The following PDE1C variants were observed in gnomAD, a reference collection of about 807,000 sequenced individuals.
PDE1C encodes phosphodiesterase 1C.
Under a neutral mutation model 93.1 loss-of-function variants are expected in PDE1C, and 62 were observed. The ratio of observed to expected loss-of-function variants is 0.67; its 90% confidence interval spans 0.54 to 0.82. The LOEUF is 0.82. Among genes scored for constraint, PDE1C ranks in the 40% least tolerant of loss-of-function variants. The probability of loss-of-function intolerance (pLI) is 0.00; values close to 1 mark genes in which losing one functional copy is unlikely to be tolerated. For synonymous variants in PDE1C, 325 were observed against 310.1 expected (o/e 1.05, Z -0.50); for missense variants, 742 against 884.6 (o/e 0.84, Z 2.04).
chr7:32,085,100 C>T (rs1003485517), intron 3 of PDE1C, among the ~76,000 whole-genome samples: 64 of 146,722 alleles, frequency 4.4e-4, no homozygotes, highest in African/African-American at 1.2e-3. Context: ...ATTGATAGAC[C>T]GCTAGCAAGA....
chr7:32,044,552 G>A (rs1193101496), intron 2 of PDE1C, among the ~76,000 whole-genome samples: 2 of 152,106 alleles, frequency 1.3e-5, no homozygotes, highest in Non-Finnish European at 2.9e-5. Context: ...ATGCAGCATG[G>A]AGAAGATGAA....
intron 2 of PDE1C, among the ~76,000 whole-genome samples, chr7:31,973,995 G>A (rs115225195): frequency 0.039 from 6,011 of 152,222 alleles, 128 homozygotes; most frequent in South Asian, 0.089. Context: ...ATTAGAGCTG[G>A]ACAGTATGGC....
the PDE1C span, among the ~76,000 whole-genome samples, chr7:31,708,934 G>A: frequency 3.8e-4 from 58 of 152,288 alleles, no homozygotes; most frequent in Admixed American, 1.6e-3. Context: ...TGGGTAGAGG[G>A]GAATAAAACT....
intron 2 of PDE1C, among the ~76,000 whole-genome samples, chr7:32,184,813 A>G (rs73304624): frequency 0.21 from 32,472 of 152,020 alleles, 3,948 homozygotes; most frequent in African/African-American, 0.33. Flanking sequence ...AAAATAAAAT[A>G]AAATAAACAA....
At chr7:31,920,647 T>C (rs746540433) in intron 2 of PDE1C, among the ~76,000 whole-genome samples, 79 of 152,320 alleles carry the variant, frequency 5.2e-4, no homozygotes, top group Non-Finnish European at 1.9e-4. Context: ...CACATGTTCC[T>C]ACAAGCCAGC....
intron 14 of PDE1C, among the ~76,000 whole-genome samples, chr7:31,819,820 CTACT>C (rs1297354250): frequency 1.3e-5 from 2 of 151,962 alleles, no homozygotes; most frequent in East Asian, 1.9e-4. Context: ...TCTGAAATGC[CTACT>C]TAAACTACCT....
Position 31,847,959 on chromosome 7 carries a change from C to T in PDE1C, c.980+9G>A. 1 of 1,612,192 alleles carries T rather than the reference C, an allele frequency of 6.2e-7. No homozygotes were observed. The highest frequency in any genetic ancestry group is 8.5e-7 in the Non-Finnish European group (1 of 1,179,236). On this transcript the variant is annotated intron_variant, in intron 9 of 17. Transcript: ENST00000396191. ...TGGCCTACAAATCTCTCTCTTTTCT[C>T]ATCCTTACCTCCAGTCATCCTTTGA...
chr7:32,424,321 G>A (rs979355), intron 1 of PDE1C, among the ~76,000 whole-genome samples: 27,410 of 152,116 alleles, frequency 0.18, 2,616 homozygotes, highest in East Asian at 0.3. Flanking sequence ...AATACCCTGA[G>A]CTGTACTTTC....
chr7:31,663,481 C>A, the PDE1C span, among the ~76,000 whole-genome samples: 1 of 152,178 alleles, frequency 6.6e-6, no homozygotes, highest in Non-Finnish European at 1.5e-5. Context: ...TGCACAGTTT[C>A]AAGATTCAGA....
rs1167635503 is a variant in PDE1C, at chr7:31,877,861, G to A, written c.492+109C>T. On this transcript the variant is annotated intron_variant, in intron 5 of 17. Transcript: ENST00000396191. The stretch of plus-strand genomic sequence containing the variant: ...AAAGATAATGAAAGAATAAAGTCAG[G>A]AATAACTGGAAAAGTAACTGTAAAT... 5 of 666,776 alleles carry A rather than the reference G, an allele frequency of 7.5e-6. No homozygotes were observed. The East Asian group carries it at 8.5e-5, about 11-fold the overall frequency. 41.3% of individuals were successfully genotyped at this position (666,776 alleles called of 1,614,324 possible).
intron 1 of PDE1C, among the ~76,000 whole-genome samples, chr7:32,415,958 G>C (rs1785267543): frequency 6.6e-6 from 1 of 152,232 alleles, no homozygotes; most frequent in Non-Finnish European, 1.5e-5. Flanking sequence ...TGAAAGGGGA[G>C]TGGCGGTGTG....
At chr7:31,807,930 TAAA>T (rs3840587) in intron 16 of PDE1C, among the ~76,000 whole-genome samples, 5 of 145,500 alleles carry the variant, frequency 3.4e-5, no homozygotes, top group Admixed American at 2.1e-4. Flanking sequence ...AGCACATTGG[TAAA>T]AAAAAAAAAA....
At chr7:32,358,417 T>C (rs2128084580) in intron 1 of PDE1C, among the ~76,000 whole-genome samples, 1 of 152,332 alleles carries the variant, frequency 6.6e-6, no homozygotes, top group South Asian at 2.1e-4. Flanking sequence ...CAAGCTGCAG[T>C]GTGTTCATTG....
intron 2 of PDE1C, among the ~76,000 whole-genome samples, chr7:31,988,995 C>CAAAAA (rs36081234): frequency 5.9e-4 from 20 of 34,106 alleles, no homozygotes; most frequent in African/African-American, 1.4e-3. Flanking sequence ...AACTTCTTCT[C>CAAAAA]AAAAAAAAAA....
chr7:32,423,904 AC>A (rs1419638126), intron 1 of PDE1C, among the ~76,000 whole-genome samples: 2 of 152,250 alleles, frequency 1.3e-5, no homozygotes, highest in Admixed American at 6.5e-5. Context: ...ACCAAAAAAA[AC>A]ACTTTAATCA....
intron 6 of PDE1C, among the ~76,000 whole-genome samples, chr7:31,869,313 A>T (rs543985624): frequency 5.1e-4 from 78 of 152,210 alleles, no homozygotes; most frequent in African/African-American, 1.7e-3. Context: ...CCCACTCAAA[A>T]AATAGACTAG....
intron 2 of PDE1C, among the ~76,000 whole-genome samples, chr7:31,996,001 T>C (rs1006009039): frequency 2.6e-5 from 4 of 151,816 alleles, no homozygotes; most frequent in South Asian, 2.1e-4. Flanking sequence ...GAGAGGGACA[T>C]CTGTTTAGCA....
At chr7:32,413,907 A>G (rs1785221865) in intron 1 of PDE1C, among the ~76,000 whole-genome samples, 1 of 152,066 alleles carries the variant, frequency 6.6e-6, no homozygotes, top group African/African-American at 2.4e-5. Flanking sequence ...TCAGCCCCCA[A>G]ATCCATCAAT....
At chr7:31,624,035 A>C in the PDE1C span, among the ~76,000 whole-genome samples, 1 of 150,470 alleles carries the variant, frequency 6.6e-6, no homozygotes, top group Admixed American at 6.6e-5. Flanking sequence ...CTTCAAAGAG[A>C]ATAAAATACC....
Sources: allele counts gnomAD v4.1 joint callset (sites outside exome capture counted in the v4.1 genomes callset), GRCh38; gene constraint gnomAD v4.1.1; transcripts MANE v1.5; gene names NCBI Gene and HGNC (gene_info 2026-07-23, HGNC 2026-07-21).